SOX6: variants seen among roughly 807,000 people sequenced by gnomAD.
SOX6 encodes the protein transcription factor SOX-6.
SOX6 carries 11 observed loss-of-function variants against 97.8 expected under a neutral mutation model. The ratio of observed to expected loss-of-function variants is 0.11; its 90% confidence interval spans 0.07 to 0.19. SOX6 has a LOEUF of 0.19. Ranked by LOEUF, SOX6 falls within the 10% of genes least tolerant of loss-of-function variation. SOX6 has a pLI of 1.00. For synonymous variants in SOX6, 360 were observed against 371.4 expected (o/e 0.97, Z 0.35); for missense variants, 810 against 1,039.5 (o/e 0.78, Z 3.04).
chr11:16,220,146 C>A (rs960681035), intron 4 of SOX6, among the ~76,000 whole-genome samples: 1 of 151,984 alleles, frequency 6.6e-6, no homozygotes, highest in African/African-American at 2.4e-5. Flanking sequence ...ATATTAAAAT[C>A]TCACTATCAC....
intron 6 of SOX6, among the ~76,000 whole-genome samples, chr11:16,146,501 T>C (rs1303716087): frequency 2.0e-5 from 3 of 152,006 alleles, no homozygotes; most frequent in East Asian, 3.9e-4. Flanking sequence ...AATTGACAAA[T>C]GGGATCTAAT....
chr11:16,577,316 T>G (rs1847993259), intron 4 of SOX6, among the ~76,000 whole-genome samples: 1 of 152,224 alleles, frequency 6.6e-6, no homozygotes, highest in African/African-American at 2.4e-5. Context: ...AAAAATAATT[T>G]AAGTATGTAT....
intron 13 of SOX6, among the ~76,000 whole-genome samples, chr11:16,010,874 A>T (rs1269455754): frequency 6.6e-6 from 1 of 152,048 alleles, no homozygotes; most frequent in African/African-American, 2.4e-5. Context: ...CCTATGATAG[A>T]TAGATCATCT....
intron 3 of SOX6, among the ~76,000 whole-genome samples, chr11:16,253,347 G>A (rs1853574837): frequency 8.4e-6 from 1 of 119,254 alleles, no homozygotes; most frequent in African/African-American, 2.7e-5. Context: ...AAAATTCCGT[G>A]TCAAAAAAAA....
At chr11:16,053,769 G>A (rs11023836) in intron 10 of SOX6, among the ~76,000 whole-genome samples, 75 of 152,174 alleles carry the variant, frequency 4.9e-4, no homozygotes, top group African/African-American at 1.7e-3. Context: ...TATTCTGTCT[G>A]AATTTAATAT....
chr11:16,104,096 T>A (rs971986541), intron 7 of SOX6, among the ~76,000 whole-genome samples: 1 of 152,010 alleles, frequency 6.6e-6, no homozygotes, highest in East Asian at 1.9e-4. Flanking sequence ...GTTAAGATTA[T>A]AGACCTTTAA....
intron 1 of SOX6, among the ~76,000 whole-genome samples, chr11:16,472,471 T>A (rs1188038539): frequency 1.3e-5 from 2 of 152,182 alleles, no homozygotes; most frequent in East Asian, 3.8e-4. Flanking sequence ...TGCTTCCTAA[T>A]CCTCACCACA....
At chr11:16,458,262 A>G (rs1859848689) in intron 1 of SOX6, among the ~76,000 whole-genome samples, 2 of 152,192 alleles carry the variant, frequency 1.3e-5, no homozygotes, top group Admixed American at 6.6e-5. Context: ...TATGTTGGAA[A>G]CTAGGGATGG....
chr11:15,974,376 C>T (rs1590100273), intron 15 of SOX6, among the ~76,000 whole-genome samples: 3 of 87,514 alleles, frequency 3.4e-5, no homozygotes, highest in East Asian at 3.4e-4. Flanking sequence ...TGTTAGCTCT[C>T]TCTTTTTTTT....
intron 4 of SOX6, among the ~76,000 whole-genome samples, chr11:16,601,466 G>A (rs1848268873): frequency 6.6e-6 from 1 of 152,040 alleles, no homozygotes; most frequent in Non-Finnish European, 1.5e-5. Flanking sequence ...CAAAATTTTT[G>A]TTGTACTATT....
intron 2 of SOX6, among the ~76,000 whole-genome samples, chr11:16,324,927 G>A (rs567241101): frequency 2.0e-5 from 3 of 152,070 alleles, no homozygotes; most frequent in Admixed American, 6.6e-5. Context: ...GTGGTGATGG[G>A]GAATAAAGAG....
At chr11:16,633,424 C>T (rs1217884257) in intron 3 of SOX6, among the ~76,000 whole-genome samples, 2 of 152,124 alleles carry the variant, frequency 1.3e-5, no homozygotes, top group African/African-American at 4.8e-5. Flanking sequence ...GAAGTAAACT[C>T]GTAACAGGAC....
chr11:16,080,065 T>G lies in SOX6; in HGVS notation c.1101+15931A>C, dbSNP rs953906589. ...AATATAAAAGACTGAAAATTGCACA[T>G]GTACCCTAAAACTTAAAGTATAATT... On this transcript the variant is annotated intron_variant, in intron 9 of 15. Transcript: ENST00000683767. 6.0e-5 allele frequency among the ~76,000 whole-genome samples: 9 copies of G among 150,860 alleles called. 1 individual carries two copies. The South Asian group carries it at 1.3e-3, about 21-fold the overall frequency.
intron 4 of SOX6, among the ~76,000 whole-genome samples, chr11:16,207,331 G>A (rs551337216): frequency 2.6e-5 from 4 of 152,208 alleles, no homozygotes; most frequent in Admixed American, 6.5e-5. Context: ...GGCTGGGCGC[G>A]GTGGCTCACG....
At chr11:16,038,105 T>G (rs1384312098) in intron 12 of SOX6, among the ~76,000 whole-genome samples, 1 of 152,162 alleles carries the variant, frequency 6.6e-6, no homozygotes, top group Non-Finnish European at 1.5e-5. Context: ...TATGTTGTGT[T>G]AGGTATTATA....
chr11:16,022,185 A>T (rs1188528840), intron 12 of SOX6, among the ~76,000 whole-genome samples: 1 of 152,172 alleles, frequency 6.6e-6, no homozygotes, highest in Non-Finnish European at 1.5e-5. Flanking sequence ...TCTGTTAAAG[A>T]TATTACTTAA....
At chr11:16,192,966 C>T (rs2134115583) in intron 4 of SOX6, among the ~76,000 whole-genome samples, 1 of 152,216 alleles carries the variant, frequency 6.6e-6, no homozygotes, top group Admixed American at 6.5e-5. Flanking sequence ...TTTACCTCAC[C>T]TCTTCCACAG....
intron 4 of SOX6, among the ~76,000 whole-genome samples, chr11:16,211,943 T>A (rs1026632827): frequency 6.6e-6 from 1 of 152,174 alleles, no homozygotes; most frequent in Non-Finnish European, 1.5e-5. Flanking sequence ...TGAGAAAGAT[T>A]TTAGGTGTGG....
chr11:16,394,965 TAAGA>T (rs764022724), intron 1 of SOX6, among the ~76,000 whole-genome samples: 51 of 151,950 alleles, frequency 3.4e-4, no homozygotes, highest in Non-Finnish European at 4.6e-4. Flanking sequence ...AGCTAGATAT[TAAGA>T]AACAAAAACA....
Sources: allele counts gnomAD v4.1 joint callset (sites outside exome capture counted in the v4.1 genomes callset), GRCh38; gene constraint gnomAD v4.1.1; transcripts MANE v1.5; gene names NCBI Gene and HGNC (gene_info 2026-07-23, HGNC 2026-07-21).